CDS1: variants seen among roughly 807,000 people sequenced by gnomAD.
CDS1 encodes the protein CDP-diacylglycerol synthase 1.
In CDS1, 41 loss-of-function variants were observed where a neutral mutation model predicts 62.1. That is an observed-to-expected ratio of 0.66 (90% CI 0.51 to 0.86). CDS1 has a LOEUF of 0.86. Among genes scored for constraint, CDS1 ranks in the 40% least tolerant of loss-of-function variants. The pLI is 0.00. For synonymous variants in CDS1, 185 were observed against 192.6 expected (o/e 0.96, Z 0.32); for missense variants, 470 against 550.1 (o/e 0.85, Z 1.46).
At chr4:84,635,685 T>TCCTTCCTTCCTC (rs1724181708) in intron 8 of CDS1, among the ~76,000 whole-genome samples, 3 of 120,988 alleles carry the variant, frequency 2.5e-5, no homozygotes, top group South Asian at 6.1e-4. Context: ...CTTCCTTCCT[T>TCCTTCCTTCCTC]CCTTCCCTCC....
intron 2 of CDS1, among the ~76,000 whole-genome samples, chr4:84,607,744 A>G (rs1383224530): frequency 6.6e-6 from 1 of 151,966 alleles, no homozygotes; most frequent in African/African-American, 2.4e-5. Flanking sequence ...TTTTTTTAAA[A>G]AAAAGGAGTG....
At chr4:84,584,964 G>C (rs564068158) in intron 1 of CDS1, among the ~76,000 whole-genome samples, 41 of 152,170 alleles carry the variant, frequency 2.7e-4, no homozygotes, top group Non-Finnish European at 4.9e-4. Flanking sequence ...TTTGTTTTTA[G>C]CACTGGTATA....
intron 1 of CDS1, among the ~76,000 whole-genome samples, chr4:84,600,197 A>G (rs964023610): frequency 1.3e-5 from 2 of 152,174 alleles, no homozygotes; most frequent in African/African-American, 4.8e-5. Flanking sequence ...ATGTCTGTCC[A>G]AATATTTTGT....
chr4:84,610,538 A>G (rs867536508), intron 3 of CDS1, among the ~76,000 whole-genome samples: 12 of 152,308 alleles, frequency 7.9e-5, no homozygotes, highest in Middle Eastern at 6.8e-3. Flanking sequence ...GCCAGGCATT[A>G]CGTTAGTTCT....
At chr4:84,595,143 G>A (rs758186673) in intron 1 of CDS1, among the ~76,000 whole-genome samples, 3 of 152,180 alleles carry the variant, frequency 2.0e-5, no homozygotes, top group Non-Finnish European at 4.4e-5. Flanking sequence ...TCCAGTAGCA[G>A]CCTCAGATGA....
chr4:84,624,305 CTAGTTTTTTTTTTTAAATGAAAATAT>C (rs1723789376), intron 5 of CDS1, among the ~76,000 whole-genome samples: 1 of 142,984 alleles, frequency 7.0e-6, no homozygotes, highest in African/African-American at 2.7e-5. Context: ...AAAAAAAAAA[CTAGTTTTTTTTTTTAAATGAAAATAT>C]ATGCCCATGA....
Position 84,619,610 on chromosome 4 carries a change from TA to T in CDS1, c.580+78del, listed in dbSNP as rs1186309129. On this transcript the variant is annotated intron_variant, in intron 5 of 12. Transcript: ENST00000295887. ...TTATTTTTATTTCTGTTATTTTAATTAGTAATTTTTTGGTTAAATTTTATTC... is the reference window on the plus strand; with the variant it reads ...TTATTTTTATTTCTGTTATTTTAATTGTAATTTTTTGGTTAAATTTTATTC... 71 of 914,774 alleles carry T rather than the reference TA, an allele frequency of 7.8e-5. No individual in the cohort carries two copies. In the African/African-American group the frequency reaches 1.2e-3, roughly 15 times the overall value. The allele number at this position is 914,774 out of a possible 1,614,324, so 56.7% of individuals were successfully genotyped here.
chr4:84,632,985 G>A (rs771270876), intron 6 of CDS1, among the ~76,000 whole-genome samples: 22 of 152,224 alleles, frequency 1.4e-4, no homozygotes, highest in African/African-American at 4.3e-4. Context: ...TTAACCGGGC[G>A]TGGTGGCACA....
intron 1 of CDS1, among the ~76,000 whole-genome samples, chr4:84,601,872 C>T (rs1722947555): frequency 6.6e-6 from 1 of 152,144 alleles, no homozygotes; most frequent in Non-Finnish European, 1.5e-5. Flanking sequence ...GAGATTACAC[C>T]ACTGCACTCC....
At chr4:84,621,534 T>C (rs1194075033) in intron 5 of CDS1, among the ~76,000 whole-genome samples, 1 of 152,172 alleles carries the variant, frequency 6.6e-6, no homozygotes, top group Non-Finnish European at 1.5e-5. Context: ...AGGAATACAT[T>C]TTCGAATAAT....
At chr4:84,597,636 C>CA in intron 1 of CDS1, among the ~76,000 whole-genome samples, 1 of 152,038 alleles carries the variant, frequency 6.6e-6, no homozygotes, top group East Asian at 2.0e-4. Flanking sequence ...TCAAAAGAAA[C>CA]AAAACAGTGT....
chr4:84,614,698 A>G (rs1328458253), intron 3 of CDS1, among the ~76,000 whole-genome samples: 1 of 152,238 alleles, frequency 6.6e-6, no homozygotes, highest in East Asian at 1.9e-4. Flanking sequence ...ACAAATCTCT[A>G]TGCAAAGCAT....
chr4:84,619,608 A>G, intron 5 of CDS1, 75 bp downstream of exon 5: 1 of 927,462 alleles, frequency 1.1e-6, no homozygotes. Flanking sequence ...TGTTATTTTA[A>G]TTAGTAATTT....
chr4:84,631,929 C>G, intron 6 of CDS1, 52 bp downstream of exon 6: 1 of 1,211,084 alleles, frequency 8.3e-7, no homozygotes, highest in Non-Finnish European at 1.2e-6. Flanking sequence ...AAACCCTTAA[C>G]TTTTTTTTTT....
intron 5 of CDS1, among the ~76,000 whole-genome samples, chr4:84,629,044 T>C (rs1723939341): frequency 6.6e-6 from 1 of 152,214 alleles, no homozygotes; most frequent in African/African-American, 2.4e-5. Flanking sequence ...CTTTTATTTA[T>C]ACTACTACAA....
At chr4:84,617,378 C>T (rs1460696968) in intron 3 of CDS1, among the ~76,000 whole-genome samples, 186 bp from the exon 4 acceptor site, 1 of 152,130 alleles carries the variant, frequency 6.6e-6, no homozygotes, top group East Asian at 1.9e-4. Context: ...CATTATTTTG[C>T]CTACCCCTTT....
At chr4:84,619,246 A>C (rs1723598396) in intron 4 of CDS1, 148 bp from the exon 5 acceptor site, 1 of 441,746 alleles carries the variant, frequency 2.3e-6, no homozygotes, top group Non-Finnish European at 3.9e-6. Context: ...TAAAACAGGA[A>C]AATAGCATTT....
At chr4:84,617,858 A>G (rs923675502) in intron 4 of CDS1, among the ~76,000 whole-genome samples, 197 bp downstream of exon 4, 5 of 152,144 alleles carry the variant, frequency 3.3e-5, no homozygotes, top group East Asian at 1.9e-4. Context: ...TTCAGATCTC[A>G]TATTTTAGTC....
chr4:84,584,529 A>G (rs1722357484), intron 1 of CDS1, among the ~76,000 whole-genome samples: 1 of 152,194 alleles, frequency 6.6e-6, no homozygotes, highest in African/African-American at 2.4e-5. Context: ...ACTAGAATCT[A>G]AGTTTCCTGA....
Sources: allele counts gnomAD v4.1 joint callset (sites outside exome capture counted in the v4.1 genomes callset), GRCh38; gene constraint gnomAD v4.1.1; transcripts MANE v1.5; gene names NCBI Gene and HGNC (gene_info 2026-07-23, HGNC 2026-07-21).